The following RABGAP1L variants were observed in gnomAD, a reference collection of about 807,000 sequenced individuals.
RABGAP1L encodes the protein rab GTPase-activating protein 1-like.
A neutral mutation model predicts 137.7 loss-of-function variants in RABGAP1L; 63 were observed. The observed-to-expected ratio is 0.46, with a 90% CI of 0.37 to 0.56. RABGAP1L has a LOEUF of 0.56. RABGAP1L is among the 20% of genes least tolerant of loss of function. RABGAP1L has a pLI of 0.00. For missense variants in RABGAP1L, 1,095 were observed against 1,244.0 expected, an observed-to-expected ratio of 0.88 and a Z score of 1.80; for synonymous variants, 431 against 433.7, an observed-to-expected ratio of 0.99 and a Z score of 0.08.
At chr1:174,729,669 C>T (rs1302166296) in intron 17 of RABGAP1L, among the ~76,000 whole-genome samples, 1 of 152,160 alleles carries the variant, frequency 6.6e-6, no homozygotes, top group Non-Finnish European at 1.5e-5. Flanking sequence ...AGGACACGAA[C>T]AGACACTTCT....
intron 11 of RABGAP1L, among the ~76,000 whole-genome samples, chr1:174,337,739 C>A (rs1465752058): frequency 6.6e-6 from 1 of 152,064 alleles, no homozygotes; most frequent in Non-Finnish European, 1.5e-5. Context: ...CTGAGTCAGA[C>A]CTCTCTTTAA....
chr1:174,211,632 A>C (rs531415313), intron 1 of RABGAP1L, among the ~76,000 whole-genome samples: 2 of 152,278 alleles, frequency 1.3e-5, no homozygotes, highest in South Asian at 4.1e-4. Context: ...CTTATCAGCA[A>C]TAACAGTGAA....
intron 19 of RABGAP1L, among the ~76,000 whole-genome samples, chr1:174,951,462 G>T (rs1370347532): frequency 6.6e-6 from 1 of 152,118 alleles, no homozygotes; most frequent in Non-Finnish European, 1.5e-5. Context: ...GAAATTTTTT[G>T]ACTTGAAGGA....
intron 11 of RABGAP1L, among the ~76,000 whole-genome samples, chr1:174,353,689 A>G (rs1683382554): frequency 2.6e-5 from 4 of 152,096 alleles, no homozygotes; most frequent in Admixed American, 2.6e-4. Context: ...TTCTGCTGTA[A>G]TAGGGCAGCA....
chr1:174,616,632 A>G lies in RABGAP1L; in HGVS notation c.1711-20743A>G, dbSNP rs551173263. Among the ~76,000 whole-genome samples, 5 of 152,358 alleles carry G rather than the reference A, an allele frequency of 3.3e-5. No homozygotes were observed. In the South Asian group the frequency reaches 6.2e-4, roughly 19 times the overall value. On this transcript the variant is annotated intron_variant, in intron 13 of 25. Coordinates refer to ENST00000681986, the MANE Select transcript of RABGAP1L (RefSeq NM_001366446.1). ...TGATTAAGTGAGGAAAAGGGAGACAAGACTTCCAAAATAATTATTTGTATG... is the reference window on the plus strand; with the variant it reads ...TGATTAAGTGAGGAAAAGGGAGACAGGACTTCCAAAATAATTATTTGTATG...
chr1:174,583,283 C>T (rs933112276), intron 13 of RABGAP1L, among the ~76,000 whole-genome samples: 6 of 152,120 alleles, frequency 3.9e-5, no homozygotes, highest in Admixed American at 3.3e-4. Context: ...TTTTACAGAT[C>T]TCTCATGATT....
At chr1:174,677,317 G>A (rs1319955686) in intron 14 of RABGAP1L, among the ~76,000 whole-genome samples, 1 of 152,132 alleles carries the variant, frequency 6.6e-6, no homozygotes, top group Non-Finnish European at 1.5e-5. Context: ...AATCAGGGAA[G>A]ATACATATTC....
chr1:174,706,205 A>C (rs993365110), intron 17 of RABGAP1L, among the ~76,000 whole-genome samples: 1 of 152,180 alleles, frequency 6.6e-6, no homozygotes, highest in Non-Finnish European at 1.5e-5. Context: ...AAAAGAGAAG[A>C]ATTTTATAGA....
chr1:174,644,357 A>C (rs1674779791), intron 14 of RABGAP1L, among the ~76,000 whole-genome samples: 1 of 152,152 alleles, frequency 6.6e-6, no homozygotes, highest in South Asian at 2.1e-4. Context: ...AGCCTGATTG[A>C]AGCCATCACA....
Position 174,448,610 on chromosome 1 carries a change from A to T in RABGAP1L, c.1710+54465A>T, listed in dbSNP as rs1655065670. The T allele has an allele frequency of 6.2e-7, 1 of 1,613,902 alleles. No homozygotes were observed. The highest frequency in any genetic ancestry group is 1.1e-5 in the South Asian group (1 of 91,070). On this transcript the variant is annotated intron_variant, in intron 13 of 25. Transcript: ENST00000681986. The surrounding 1 kb of genome is among the most constrained non-coding windows in gnomAD (Gnocchi z 4.2). ...GAGAATTTGCATTATTTTGATCTGGATCTACTCCTGCCTAATTTTCTTGCC... is the reference window on the plus strand; with the variant it reads ...GAGAATTTGCATTATTTTGATCTGGTTCTACTCCTGCCTAATTTTCTTGCC...
At chr1:174,881,923 A>G (rs1654293558) in intron 19 of RABGAP1L, among the ~76,000 whole-genome samples, 2 of 152,088 alleles carry the variant, frequency 1.3e-5, no homozygotes, top group African/African-American at 4.8e-5. Context: ...GTGCAATGGC[A>G]TGATCTCAGC....
intron 13 of RABGAP1L, among the ~76,000 whole-genome samples, chr1:174,604,255 C>G (rs929335167): frequency 2.0e-5 from 3 of 152,174 alleles, no homozygotes; most frequent in African/African-American, 4.8e-5. Flanking sequence ...CTGGCTGTGA[C>G]TGGTCTAAAT....
chr1:174,282,278 T>C (rs556748195), intron 10 of RABGAP1L, among the ~76,000 whole-genome samples: 1 of 152,348 alleles, frequency 6.6e-6, no homozygotes, highest in East Asian at 1.9e-4. Flanking sequence ...TCCCAATTTC[T>C]CCTCATCCTT....
intron 14 of RABGAP1L, among the ~76,000 whole-genome samples, chr1:174,639,415 T>C (rs901290675): frequency 1.3e-5 from 2 of 152,178 alleles, no homozygotes; most frequent in Non-Finnish European, 2.9e-5. Flanking sequence ...ACAAAAGTAA[T>C]TATTTAAAAC....
intron 19 of RABGAP1L, among the ~76,000 whole-genome samples, chr1:174,816,173 A>G (rs1284724306): frequency 2.8e-5 from 2 of 72,584 alleles, no homozygotes; most frequent in African/African-American, 4.5e-5. Context: ...TTTTTTTGAG[A>G]TAGAGTTTTG....
At chr1:174,958,939 G>T (rs925599425) in intron 20 of RABGAP1L, among the ~76,000 whole-genome samples, 10 of 152,194 alleles carry the variant, frequency 6.6e-5, no homozygotes, top group Non-Finnish European at 2.9e-5. Context: ...TCAGCTCATA[G>T]TTGTGTTCAA....
chr1:174,534,178 G>A (rs184042014), intron 13 of RABGAP1L, among the ~76,000 whole-genome samples: 4 of 138,140 alleles, frequency 2.9e-5, no homozygotes, highest in Admixed American at 2.9e-4. Flanking sequence ...GTGTGTGTGT[G>A]TGTGTCCCTA....
At chr1:174,381,679 ATG>A (rs1686176281) in intron 12 of RABGAP1L, among the ~76,000 whole-genome samples, 1 of 117,680 alleles carries the variant, frequency 8.5e-6, no homozygotes. Flanking sequence ...GAGCCTATGT[ATG>A]TCTCTGCACG....
intron 14 of RABGAP1L, among the ~76,000 whole-genome samples, chr1:174,642,398 A>G (rs1198218982): frequency 6.6e-6 from 1 of 152,200 alleles, no homozygotes; most frequent in Non-Finnish European, 1.5e-5. Context: ...TCTGCTGCAT[A>G]ATTTTGGAGA....
Sources: gnomAD v4.1 joint callset for allele counts (sites outside exome capture counted in the v4.1 genomes callset) on GRCh38, gnomAD v4.1.1 for gene constraint, Gnocchi (gnomAD v3.1) non-coding constraint, MANE v1.5 for transcripts, NCBI Gene and HGNC (gene_info 2026-07-23, HGNC 2026-07-21) for gene names.